The following ADAMTS3 variants were observed in gnomAD, a reference collection of about 807,000 sequenced individuals.
The protein encoded by ADAMTS3 is ADAM metallopeptidase with thrombospondin type 1 motif 3.
A neutral mutation model predicts 129.0 loss-of-function variants in ADAMTS3; 73 were observed. The ratio of observed to expected loss-of-function variants is 0.57; its 90% CI spans 0.47 to 0.69. The LOEUF is 0.69. Ranked by LOEUF, ADAMTS3 falls within the 30% of genes least tolerant of loss-of-function variation. ADAMTS3 has a pLI of 0.00. For synonymous variants in ADAMTS3, 477 were observed against 510.8 expected (o/e 0.93, Z 0.89); for missense variants, 1,457 against 1,514.5 (o/e 0.96, Z 0.63).
intron 3 of ADAMTS3, among the ~76,000 whole-genome samples, chr4:72,479,197 A>T (rs1719347013): frequency 6.6e-6 from 1 of 152,196 alleles, no homozygotes; most frequent in Admixed American, 6.5e-5. Context: ...AAACTACTTT[A>T]AAGTTCATAG....
intron 15 of ADAMTS3, among the ~76,000 whole-genome samples, chr4:72,307,488 C>T (rs965455922): frequency 6.6e-6 from 1 of 152,026 alleles, no homozygotes; most frequent in Non-Finnish European, 1.5e-5. Flanking sequence ...GAAAGCGCCT[C>T]TTGTCTTCCC....
intron 4 of ADAMTS3, among the ~76,000 whole-genome samples, chr4:72,400,047 G>A (rs1215928360): frequency 2.4e-4 from 3 of 12,416 alleles, no homozygotes; most frequent in Non-Finnish European, 6.4e-4. Context: ...ATGCACACAC[G>A]GTGTGTATAT....
rs138041073 is a variant in ADAMTS3, at chr4:72,313,745, T to C, written c.1677A>G (p.Lys559=). 86 of 1,613,884 alleles carry C rather than the reference T, an allele frequency of 5.3e-5. No individual in the cohort carries two copies. In the African/African-American group the frequency reaches 1.1e-3, roughly 20 times the overall value. The part of the protein sequence containing the change: ...KQDGNWGSWT[K]FGSCSRTCGT... The stretch of plus-strand genomic sequence containing the variant: ...CACATGTCCGAGAACAGGAGCCAAA[T>C]TTAGTCCATGACCCCCAATTGCCAT... The change falls in exon 12 of 22, where the codon AAA becomes AAG. Residue 559 remains lysine (K), a synonymous_variant. Transcript: ENST00000286657.
intron 3 of ADAMTS3, among the ~76,000 whole-genome samples, chr4:72,430,951 CAGAT>C (rs1722684014): frequency 6.6e-6 from 1 of 151,206 alleles, no homozygotes; most frequent in South Asian, 2.1e-4. Flanking sequence ...GAATCAGTAA[CAGAT>C]AGTAACCAAG....
At chr4:72,466,922 C>T (rs1191897188) in intron 3 of ADAMTS3, among the ~76,000 whole-genome samples, 2 of 152,052 alleles carry the variant, frequency 1.3e-5, no homozygotes, top group East Asian at 1.9e-4. Context: ...TCTAAATCTG[C>T]CTCCTCAATG....
chr4:72,530,136 A>AT (rs1553921145), intron 3 of ADAMTS3, among the ~76,000 whole-genome samples: 15 of 25,166 alleles, frequency 6.0e-4, no homozygotes, highest in African/African-American at 2.2e-3. Flanking sequence ...ATAATATAAT[A>AT]TATATTATAT....
chr4:72,355,028 C>A (rs1317307595), intron 4 of ADAMTS3, among the ~76,000 whole-genome samples: 1 of 151,984 alleles, frequency 6.6e-6, no homozygotes, highest in African/African-American at 2.4e-5. Flanking sequence ...TAAATTTCAA[C>A]CTTTTGGCAT....
intron 3 of ADAMTS3, among the ~76,000 whole-genome samples, chr4:72,469,027 A>AGT: frequency 6.6e-6 from 1 of 152,148 alleles, no homozygotes; most frequent in Non-Finnish European, 1.5e-5. Context: ...ATATGATTAT[A>AGT]AATCATACTA....
At position 72,319,935 on chromosome 4, in the gene ADAMTS3, A is replaced by G; in HGVS notation, c.1131T>C (p.His377=). The change falls in exon 8 of 22, where the codon CAT becomes CAC. Residue 377 remains histidine (H), a synonymous_variant. Transcript: ENST00000286657. ...QGYAPVTGMC[H]PVRSCTLNHE... ...GATTCAGGGTACAACTTCTCACTGG[A>G]TGACACATGCCGGTGACTGGAGCAT... 6.2e-7 allele frequency: 1 copy of G among 1,613,578 alleles called. No individual in the cohort carries two copies. Among genetic ancestry groups the G allele is most frequent in the Non-Finnish European group, 8.5e-7 (1 of 1,179,598 alleles).
intron 4 of ADAMTS3, among the ~76,000 whole-genome samples, chr4:72,353,274 A>G (rs1300093321): frequency 6.6e-6 from 1 of 151,762 alleles, no homozygotes; most frequent in Non-Finnish European, 1.5e-5. Context: ...TGTGGGGTGC[A>G]CTCCTGCAGA....
chr4:72,317,663 T>C (rs994408537), intron 10 of ADAMTS3, among the ~76,000 whole-genome samples: 2 of 152,128 alleles, frequency 1.3e-5, no homozygotes, highest in African/African-American at 4.8e-5. Flanking sequence ...AGATACATAC[T>C]ATCATTATCC....
intron 1 of ADAMTS3, 48 bp downstream of exon 1, chr4:72,568,645 GA>G: frequency 6.9e-7 from 1 of 1,451,400 alleles, no homozygotes; most frequent in African/African-American, 1.7e-5. Context: ...AACTTTTCGG[GA>G]AAAGGTTGGG....
intron 3 of ADAMTS3, among the ~76,000 whole-genome samples, chr4:72,511,617 G>C (rs1301327140): frequency 6.6e-6 from 1 of 152,108 alleles, no homozygotes; most frequent in Non-Finnish European, 1.5e-5. Context: ...AGTAACAAAT[G>C]CTAGTGAGGA....
At chr4:72,374,393 A>C (rs1289785709) in intron 4 of ADAMTS3, among the ~76,000 whole-genome samples, 5 of 152,050 alleles carry the variant, frequency 3.3e-5, no homozygotes, top group Non-Finnish European at 5.9e-5. Flanking sequence ...GCTAACCCAG[A>C]AGCAAAGAAA....
chr4:72,358,504 T>C (rs1486817016), intron 4 of ADAMTS3, among the ~76,000 whole-genome samples: 3 of 151,936 alleles, frequency 2.0e-5, no homozygotes, highest in Non-Finnish European at 4.4e-5. Context: ...TCATTTTTCG[T>C]TGATCTGCTT....
At position 72,339,515 on chromosome 4, in the gene ADAMTS3, G is replaced by A; in HGVS notation, c.840C>T (p.Tyr280=). 1 of 1,613,894 alleles carries A rather than the reference G, an allele frequency of 6.2e-7. No homozygotes were observed. The highest frequency in any genetic ancestry group is 8.5e-7 in the Non-Finnish European group (1 of 1,179,838). The part of the protein sequence containing the change: ...RFHGKEHVQN[Y]LLTLMNIVNE... The stretch of plus-strand genomic sequence containing the variant: ...TCACAATGTTCATTAGGGTCAGGAG[G>A]TAGTTTTGGACGTGCTCTTTGCCAT... Residue 280 remains tyrosine, a synonymous_variant, in exon 5 of 22, where the codon TAC becomes TAT. Transcript: ENST00000286657.
chr4:72,460,903 G>A (rs1578701251), intron 3 of ADAMTS3, among the ~76,000 whole-genome samples: 3 of 151,756 alleles, frequency 2.0e-5, no homozygotes, highest in Non-Finnish European at 1.5e-5. Flanking sequence ...AAAGAATCAT[G>A]AAGCCACAGG....
chr4:72,469,198 T>C (rs1000943339), intron 3 of ADAMTS3, among the ~76,000 whole-genome samples: 3 of 152,132 alleles, frequency 2.0e-5, no homozygotes, highest in Non-Finnish European at 1.5e-5. Flanking sequence ...GAAATATGTT[T>C]AGAAGACAGA....
At chr4:72,291,324 A>G (rs1400649274) in intron 19 of ADAMTS3, among the ~76,000 whole-genome samples, 1 of 151,964 alleles carries the variant, frequency 6.6e-6, no homozygotes, top group Non-Finnish European at 1.5e-5. Context: ...ATATGTATAC[A>G]TGTGCCATGC....
Sources: allele counts gnomAD v4.1 joint callset (sites outside exome capture counted in the v4.1 genomes callset), GRCh38; gene constraint gnomAD v4.1.1; transcripts MANE v1.5; gene names NCBI Gene and HGNC (gene_info 2026-07-23, HGNC 2026-07-21).